SDC3: variants seen among roughly 807,000 people sequenced by gnomAD.
The protein encoded by SDC3 is syndecan 3.
Under a neutral mutation model 24.4 loss-of-function variants are expected in SDC3, and 13 were observed. The ratio of observed to expected loss-of-function variants is 0.53; its 90% CI spans 0.35 to 0.85. The LOEUF is 0.85. Ranked by LOEUF, SDC3 falls within the 40% of genes least tolerant of loss-of-function variation. The probability of loss-of-function intolerance (pLI) is 0.01; values close to 1 mark genes in which losing one functional copy is unlikely to be tolerated. For synonymous variants in SDC3, 295 were observed against 260.9 expected (o/e 1.13, Z -1.26); for missense variants, 571 against 584.5 (o/e 0.98, Z 0.24).
chr1:30,877,263 C>T, intron 2 of SDC3, 98 bp from the exon 3 acceptor site: 1 of 1,479,876 alleles, frequency 6.8e-7, no homozygotes, highest in Middle Eastern at 1.7e-4. Context: ...TTAGGTCTCC[C>T]AACCCCCTCT....
chr1:30,898,825 G>A (rs538410320), intron 1 of SDC3, among the ~76,000 whole-genome samples: 81 of 152,306 alleles, frequency 5.3e-4, no homozygotes, highest in African/African-American at 1.9e-3. Flanking sequence ...TTTAACAGAC[G>A]TGGAAGTGGA....
At chr1:30,885,980 TCA>T (rs935979891) in intron 1 of SDC3, among the ~76,000 whole-genome samples, 2 of 152,096 alleles carry the variant, frequency 1.3e-5, no homozygotes, top group Non-Finnish European at 2.9e-5. Flanking sequence ...ACCTGCCCTC[TCA>T]CGTCACTCTT....
intron 1 of SDC3, among the ~76,000 whole-genome samples, chr1:30,886,906 G>A (rs1227583036): frequency 1.3e-5 from 2 of 152,136 alleles, no homozygotes; most frequent in Non-Finnish European, 2.9e-5. Flanking sequence ...GAGAGGTGAA[G>A]CAACTGGCTC....
chr1:30,904,538 C>G (rs1039409339), intron 1 of SDC3, among the ~76,000 whole-genome samples: 45 of 152,168 alleles, frequency 3.0e-4, no homozygotes, highest in Middle Eastern at 6.8e-3. Context: ...TCACCTCGCA[C>G]CAACCCCCAA....
intron 3 of SDC3, among the ~76,000 whole-genome samples, chr1:30,875,811 G>C (rs946338081): frequency 6.6e-5 from 10 of 152,168 alleles, no homozygotes; most frequent in Non-Finnish European, 1.3e-4. Flanking sequence ...GCGGAGCCTT[G>C]GGAAGTGGCT....
intron 1 of SDC3, among the ~76,000 whole-genome samples, chr1:30,897,868 G>A (rs1034883794): frequency 3.3e-5 from 5 of 152,178 alleles, no homozygotes; most frequent in African/African-American, 9.7e-5. Context: ...ACATTTGGCC[G>A]AGTGTTTTGC....
chr1:30,894,300 TG>T (rs1023599118), intron 1 of SDC3, among the ~76,000 whole-genome samples: 3 of 120,354 alleles, frequency 2.5e-5, no homozygotes, highest in Non-Finnish European at 3.4e-5. Flanking sequence ...AGAGAGTGTG[TG>T]GGGGTGTGTG....
intron 1 of SDC3, among the ~76,000 whole-genome samples, chr1:30,902,958 C>T (rs1158857295): frequency 1.3e-5 from 2 of 152,220 alleles, no homozygotes; most frequent in Admixed American, 6.5e-5. Flanking sequence ...TCATTCATTC[C>T]TTTGAATCAT....
At chr1:30,881,657 A>G (rs1252877085) in intron 1 of SDC3, among the ~76,000 whole-genome samples, 2 of 152,220 alleles carry the variant, frequency 1.3e-5, no homozygotes, top group Admixed American at 6.5e-5. Context: ...GAGCGTTCCC[A>G]GGGCACTCTA....
intron 1 of SDC3, among the ~76,000 whole-genome samples, chr1:30,900,530 GT>G (rs917899201): frequency 6.6e-6 from 1 of 152,060 alleles, no homozygotes; most frequent in African/African-American, 2.4e-5. Flanking sequence ...AGGGAATAGT[GT>G]ATGGCTTCTG....
intron 1 of SDC3, among the ~76,000 whole-genome samples, chr1:30,904,565 C>T (rs950917332): frequency 6.6e-6 from 1 of 152,120 alleles, no homozygotes; most frequent in Non-Finnish European, 1.5e-5. Context: ...GAACTCACAG[C>T]TGGAGGCATT....
At chr1:30,880,402 G>C (rs1262042242) in intron 1 of SDC3, among the ~76,000 whole-genome samples, 4 of 151,624 alleles carry the variant, frequency 2.6e-5, no homozygotes, top group Non-Finnish European at 5.9e-5. Context: ...ACGAGAGAAG[G>C]AGAGAAGGCA....
In SDC3 at chr1:30,883,838, C is replaced by T. The variant is rs114039263; in HGVS notation, c.139-5098G>A. Reference sequence around the variant, plus strand: ...TGATTTGCCCAAAGACACACAGCGACGTAACTACTAGCTCCTCGAGGCAGG... The same window carrying T: ...TGATTTGCCCAAAGACACACAGCGATGTAACTACTAGCTCCTCGAGGCAGG... On this transcript the variant is annotated intron_variant, in intron 1 of 4. Coordinates refer to ENST00000339394, the MANE Select transcript of SDC3 (RefSeq NM_014654.4). Among the ~76,000 whole-genome samples, 630 of 152,236 alleles carry T rather than the reference C, an allele frequency of 4.1e-3. 3 individuals are homozygous for T. Among genetic ancestry groups the T allele is most frequent in the Middle Eastern group, 6.8e-3 (2 of 294 alleles).
At chr1:30,891,053 C>A (rs892032574) in intron 1 of SDC3, among the ~76,000 whole-genome samples, 1 of 152,170 alleles carries the variant, frequency 6.6e-6, no homozygotes, top group Non-Finnish European at 1.5e-5. Flanking sequence ...CAACCCTCGA[C>A]CCCAGCATTC....
chr1:30,874,563 G>T lies in SDC3; in HGVS notation c.896C>A (p.Thr299Asn), dbSNP rs1639606785. ...AACCTCTGGCTCATCCCGGATTGTG[G>T]TCAGGAAGGTCTCTGGAGTTGGGGT... ...AQTPTPETFL[T>N]TIRDEPEVPV... The change falls in exon 4 of 5, where the codon ACC becomes AAC. Residue 299 changes from threonine to asparagine, a missense_variant. Transcript: ENST00000339394. The T allele has an allele frequency of 6.2e-7, 1 of 1,614,028 alleles. No homozygotes were observed. The highest frequency in any genetic ancestry group is 8.5e-7 in the Non-Finnish European group (1 of 1,180,024).
chr1:30,890,048 C>A (rs1449091166), intron 1 of SDC3, among the ~76,000 whole-genome samples: 2 of 152,178 alleles, frequency 1.3e-5, no homozygotes, highest in Admixed American at 6.5e-5. Context: ...TGGTGGCTCA[C>A]ACCTGTAATC....
chr1:30,903,120 T>C (rs539620130), intron 1 of SDC3, among the ~76,000 whole-genome samples: 106 of 152,216 alleles, frequency 7.0e-4, no homozygotes, highest in African/African-American at 2.5e-3. Flanking sequence ...TCACACCCCA[T>C]CTCTAAGCCT....
chr1:30,884,041 G>A (rs1028372513), intron 1 of SDC3, among the ~76,000 whole-genome samples: 2 of 152,160 alleles, frequency 1.3e-5, no homozygotes, highest in African/African-American at 2.4e-5. Flanking sequence ...AGCCAAGGGG[G>A]CTGCACAATT....
chr1:30,908,809 C>T (rs1638591931), upstream of SDC3: 1 of 144,298 alleles, frequency 6.9e-6, no homozygotes, highest in African/African-American at 2.5e-5. Context: ...CGCCGGGCCG[C>T]CCCCAGCGCG....
Sources: allele counts gnomAD v4.1 joint callset (sites outside exome capture counted in the v4.1 genomes callset), GRCh38; gene constraint gnomAD v4.1.1; transcripts MANE v1.5; gene names NCBI Gene and HGNC (gene_info 2026-07-23, HGNC 2026-07-21).